The following EPHA4 variants were observed in gnomAD, a reference collection of about 807,000 sequenced individuals.
EPHA4 encodes EPH receptor A4, also known as ephrin type-A receptor 4.
In EPHA4, 19 loss-of-function variants were observed where a neutral mutation model predicts 108.3. That is an observed-to-expected ratio of 0.18 (90% confidence interval 0.12 to 0.26). EPHA4 has a LOEUF of 0.26. Among genes scored for constraint, EPHA4 ranks in the 10% least tolerant of loss-of-function variants. The pLI is 1.00. For synonymous variants in EPHA4, 449 were observed against 455.5 expected (o/e 0.99, Z 0.18); for missense variants, 917 against 1,254.0 (o/e 0.73, Z 4.06).
intron 4 of EPHA4, among the ~76,000 whole-genome samples, chr2:221,493,008 G>T (rs1692194184): frequency 6.6e-6 from 1 of 152,172 alleles, no homozygotes; most frequent in Non-Finnish European, 1.5e-5. Context: ...ATGATTGATT[G>T]CATGAATGAT....
In EPHA4 at chr2:221,568,707, T is replaced by G; in HGVS notation, c.159+11A>C. The stretch of plus-strand genomic sequence containing the variant: ...TTTACCCTTTGGATCAGAGAGCAAC[T>G]CAGGACTTACCCCTCCTTCCAGAGG... On this transcript the variant is annotated intron_variant, in intron 2 of 17. Coordinates refer to ENST00000281821, the MANE Select transcript of EPHA4 (RefSeq NM_004438.5). 1 of 1,612,090 alleles carries G rather than the reference T, an allele frequency of 6.2e-7. No individual in the cohort carries two copies.
chr2:221,499,749 TATA>T (rs1435486260), intron 4 of EPHA4, among the ~76,000 whole-genome samples: 655 of 49,724 alleles, frequency 0.013, 5 homozygotes, highest in South Asian at 0.022. Flanking sequence ...TATATATATA[TATA>T]TATATTTTTT....
At chr2:221,432,127 GTTTT>G (rs5838885) in intron 14 of EPHA4, among the ~76,000 whole-genome samples, 1 of 146,866 alleles carries the variant, frequency 6.8e-6, no homozygotes, top group Non-Finnish European at 1.5e-5. Flanking sequence ...TATATATATT[GTTTT>G]TTTATATATA....
chr2:221,561,443 A>C (rs1244457636), intron 3 of EPHA4, among the ~76,000 whole-genome samples: 1 of 152,192 alleles, frequency 6.6e-6, no homozygotes, highest in African/African-American at 2.4e-5. Flanking sequence ...GCAAAATAAC[A>C]AAAACAAAAA....
chr2:221,426,888 G>A (rs922151914), intron 15 of EPHA4, among the ~76,000 whole-genome samples: 1 of 152,182 alleles, frequency 6.6e-6, no homozygotes, highest in African/African-American at 2.4e-5. Flanking sequence ...GCTCATAGCA[G>A]GTCTTTTAAC....
intron 5 of EPHA4, among the ~76,000 whole-genome samples, chr2:221,470,044 C>T (rs1691431970): frequency 6.6e-6 from 1 of 152,060 alleles, no homozygotes; most frequent in South Asian, 2.1e-4. Context: ...TCTCTTGTTG[C>T]ACTTAAAACA....
chr2:221,450,242 C>G (rs151201552), intron 8 of EPHA4, among the ~76,000 whole-genome samples: 1 of 152,190 alleles, frequency 6.6e-6, no homozygotes, highest in African/African-American at 2.4e-5. Flanking sequence ...AACCCCATCT[C>G]TATTAAAAAT....
intron 3 of EPHA4, among the ~76,000 whole-genome samples, chr2:221,517,688 A>G (rs113418847): frequency 7.9e-4 from 120 of 152,290 alleles, no homozygotes; most frequent in Non-Finnish European, 1.5e-3. Flanking sequence ...CATACAAAGC[A>G]AATTTTGATT....
At chr2:221,428,869 G>A (rs1021562896) in intron 15 of EPHA4, among the ~76,000 whole-genome samples, 1 of 152,156 alleles carries the variant, frequency 6.6e-6, no homozygotes, top group Non-Finnish European at 1.5e-5. Flanking sequence ...GGAGAATATA[G>A]GGTATCTCTA....
Position 221,443,028 on chromosome 2 carries a change from A to C in EPHA4, c.1889-14T>G. On this transcript the variant is annotated splice_polypyrimidine_tract_variant and intron_variant, in intron 10 of 17. Transcript: ENST00000281821. ...CACCAAATTCACCTTTGAGAGAGAA[A>C]AAGAATCTACGATGGACCAGAAACA... 1 of 1,611,232 alleles carries C rather than the reference A, an allele frequency of 6.2e-7. No individual in the cohort carries two copies. Among genetic ancestry groups the C allele is most frequent in the Non-Finnish European group, 8.5e-7 (1 of 1,178,808 alleles).
chr2:221,472,993 C>T (rs1039192936), intron 5 of EPHA4, among the ~76,000 whole-genome samples: 1 of 152,128 alleles, frequency 6.6e-6, no homozygotes, highest in African/African-American at 2.4e-5. Context: ...GACCATTCAG[C>T]CAGATTCCCA....
intron 4 of EPHA4, among the ~76,000 whole-genome samples, chr2:221,493,957 A>G (rs1224848122): frequency 6.6e-6 from 1 of 152,206 alleles, no homozygotes; most frequent in African/African-American, 2.4e-5. Flanking sequence ...ACGTCTAAGT[A>G]TCAATCAATC....
intron 8 of EPHA4, among the ~76,000 whole-genome samples, chr2:221,449,693 A>G (rs940275555): frequency 2.6e-5 from 4 of 151,978 alleles, no homozygotes; most frequent in Non-Finnish European, 5.9e-5. Context: ...ACTATTCAAT[A>G]TAACAAACAA....
chr2:221,442,138 C>T (rs1170708122), intron 11 of EPHA4, among the ~76,000 whole-genome samples: 4 of 152,204 alleles, frequency 2.6e-5, no homozygotes, highest in Non-Finnish European at 5.9e-5. Context: ...TCTTGGAACA[C>T]AGCCACCTTA....
intron 5 of EPHA4, among the ~76,000 whole-genome samples, chr2:221,479,085 G>A (rs934093423): frequency 6.6e-6 from 1 of 152,164 alleles, no homozygotes; most frequent in African/African-American, 2.4e-5. Context: ...AATGATCAAA[G>A]CCCAGTTCAA....
chr2:221,456,176 A>G (rs1196484261), intron 7 of EPHA4, among the ~76,000 whole-genome samples: 7 of 152,008 alleles, frequency 4.6e-5, no homozygotes, highest in African/African-American at 1.4e-4. Flanking sequence ...GGTCTTTAAA[A>G]AAAAAAAAAA....
intron 3 of EPHA4, among the ~76,000 whole-genome samples, chr2:221,546,226 A>G (rs1234866526): frequency 1.3e-5 from 2 of 152,258 alleles, no homozygotes; most frequent in African/African-American, 4.8e-5. Context: ...GTGAGGGAAC[A>G]AGTTTGATCT....
At chr2:221,473,552 G>GAAAA (rs772366510) in intron 5 of EPHA4, among the ~76,000 whole-genome samples, 52 of 109,640 alleles carry the variant, frequency 4.7e-4, no homozygotes, top group Admixed American at 1.3e-3. Flanking sequence ...GTGTTTAAAG[G>GAAAA]AAAAAAAAAA....
chr2:221,497,400 A>C (rs1406887438), intron 4 of EPHA4, among the ~76,000 whole-genome samples: 2 of 152,098 alleles, frequency 1.3e-5, no homozygotes, highest in Non-Finnish European at 2.9e-5. Flanking sequence ...TTTCCTCTTA[A>C]CTGAAGTGCT....
Sources: gnomAD v4.1 joint callset for allele counts (sites outside exome capture counted in the v4.1 genomes callset) on GRCh38, gnomAD v4.1.1 for gene constraint, MANE v1.5 for transcripts, NCBI Gene and HGNC (gene_info 2026-07-23, HGNC 2026-07-21) for gene names.